The following STK3 variants were observed in gnomAD, a reference collection of about 807,000 sequenced individuals.
The protein encoded by STK3 is serine/threonine-protein kinase 3.
STK3 carries 41 observed loss-of-function variants against 58.0 expected under a neutral mutation model. That is an observed-to-expected ratio of 0.71 (90% CI 0.55 to 0.92). The LOEUF (loss-of-function observed/expected upper bound fraction) is 0.92. STK3 is among the 40% of genes least tolerant of loss of function. The pLI is 0.00. For missense variants in STK3, 479 were observed against 602.7 expected, an observed-to-expected ratio of 0.79 and a Z score of 2.15; for synonymous variants, 170 against 191.0, an observed-to-expected ratio of 0.89 and a Z score of 0.91.
intron 1 of STK3, among the ~76,000 whole-genome samples, chr8:98,783,359 T>C (rs1307745643): frequency 6.6e-6 from 1 of 152,220 alleles, no homozygotes; most frequent in Non-Finnish European, 1.5e-5. Flanking sequence ...TTGTTATGCA[T>C]TATATGCCTG....
intron 1 of STK3, among the ~76,000 whole-genome samples, chr8:98,819,151 C>T (rs1834735997): frequency 6.6e-6 from 1 of 152,130 alleles, no homozygotes; most frequent in Admixed American, 6.5e-5. Flanking sequence ...CAGGGTCTTG[C>T]TCTGTTGCCC....
At chr8:98,917,004 ACTT>A (rs1031463576) in intron 1 of STK3, among the ~76,000 whole-genome samples, 16 of 152,308 alleles carry the variant, frequency 1.1e-4, no homozygotes, top group African/African-American at 3.6e-4. Flanking sequence ...GAGCATCTGC[ACTT>A]CTTCATGCAG....
intron 7 of STK3, among the ~76,000 whole-genome samples, chr8:98,582,721 T>C (rs1328713033): frequency 6.6e-6 from 1 of 152,168 alleles, no homozygotes; most frequent in Non-Finnish European, 1.5e-5. Context: ...TTCATTATTC[T>C]ATCTCATACT....
At chr8:98,507,407 T>C (rs908348218) in intron 10 of STK3, among the ~76,000 whole-genome samples, 1 of 152,242 alleles carries the variant, frequency 6.6e-6, no homozygotes, top group Non-Finnish European at 1.5e-5. Flanking sequence ...TATACAATTT[T>C]GTTGCCTATA....
At chr8:98,389,473 C>T (rs543999815), upstream of STK3, among the ~76,000 whole-genome samples, 2 of 152,242 alleles carry the variant, frequency 1.3e-5, no homozygotes, top group East Asian at 1.9e-4. Context: ...TTAACAGTCA[C>T]GAAAACACAA....
chr8:98,496,794 G>A (rs540078824), intron 10 of STK3, among the ~76,000 whole-genome samples: 1 of 152,204 alleles, frequency 6.6e-6, no homozygotes, highest in South Asian at 2.1e-4. Context: ...AAAGTATAAT[G>A]GTGGTTGCCA....
chr8:98,510,498 G>T (rs1824430991), intron 10 of STK3, among the ~76,000 whole-genome samples: 1 of 151,632 alleles, frequency 6.6e-6, no homozygotes, highest in Non-Finnish European at 1.5e-5. Context: ...GACTAATTAT[G>T]ATTTATTCAC....
intron 1 of STK3, among the ~76,000 whole-genome samples, chr8:98,799,351 C>T (rs1222727929): frequency 6.6e-6 from 1 of 150,768 alleles, no homozygotes; most frequent in African/African-American, 2.4e-5. Context: ...GAAAGACAAG[C>T]AGAAAGGAAA....
chr8:98,776,874 C>G (rs1248374107), intron 1 of STK3, among the ~76,000 whole-genome samples: 1 of 151,434 alleles, frequency 6.6e-6, no homozygotes, highest in Non-Finnish European at 1.5e-5. Context: ...CACGGTGAAA[C>G]CCCGTCTCTA....
chr8:98,400,574 A>G (rs534991306), downstream of STK3, among the ~76,000 whole-genome samples: 9 of 152,250 alleles, frequency 5.9e-5, no homozygotes, highest in African/African-American at 2.2e-4. Flanking sequence ...CTCCTGTTCC[A>G]TTTCCAGCAC....
chr8:98,639,727 C>CT (rs1339030986), intron 6 of STK3, among the ~76,000 whole-genome samples: 1 of 152,142 alleles, frequency 6.6e-6, no homozygotes, highest in African/African-American at 2.4e-5. Context: ...CCTTTCATAT[C>CT]TTTTTAAGTG....
At chr8:98,362,141 G>T in the STK3 span, among the ~76,000 whole-genome samples, 4 of 152,308 alleles carry the variant, frequency 2.6e-5, no homozygotes, top group Admixed American at 6.5e-5. Flanking sequence ...CTAGAAGAGA[G>T]CAAAGGAGGG....
chr8:98,864,215 A>C (rs1036516237), intron 3 of STK3, among the ~76,000 whole-genome samples: 3 of 151,042 alleles, frequency 2.0e-5, no homozygotes, highest in Non-Finnish European at 4.4e-5. Flanking sequence ...AAAAAAAAAA[A>C]AAAAAAAAAG....
At chr8:98,586,998 A>G (rs1340505037) in intron 7 of STK3, among the ~76,000 whole-genome samples, 1 of 150,364 alleles carries the variant, frequency 6.7e-6, no homozygotes, top group Non-Finnish European at 1.5e-5. Context: ...TTTTTTCTTT[A>G]TTAGTCTTGC....
chr8:98,667,203 C>T (rs1029849937), intron 6 of STK3, among the ~76,000 whole-genome samples: 1 of 152,060 alleles, frequency 6.6e-6, no homozygotes, highest in African/African-American at 2.4e-5. Context: ...TCTTTTACTC[C>T]AACATGAGTT....
chr8:98,738,293 C>T (rs910427615), intron 4 of STK3, among the ~76,000 whole-genome samples: 7 of 151,808 alleles, frequency 4.6e-5, no homozygotes, highest in African/African-American at 1.2e-4. Context: ...GCCAACGTGG[C>T]GAAACCCTAT....
At chr8:98,537,694 A>C (rs1289863859) in intron 9 of STK3, among the ~76,000 whole-genome samples, 1 of 152,180 alleles carries the variant, frequency 6.6e-6, no homozygotes, top group East Asian at 1.9e-4. Context: ...TTTAACAATA[A>C]TTTTAACGTT....
the STK3 span, among the ~76,000 whole-genome samples, chr8:98,364,376 C>T: frequency 1.3e-5 from 2 of 152,256 alleles, no homozygotes; most frequent in African/African-American, 4.8e-5. Flanking sequence ...TGCCAACTCC[C>T]TCTGGGCCTA....
chr8:98,386,952 T>A (rs1817797773), intron 1 of STK3, among the ~76,000 whole-genome samples: 1 of 152,190 alleles, frequency 6.6e-6, no homozygotes, highest in Non-Finnish European at 1.5e-5. Context: ...GGCGAGACCC[T>A]GTCTCAAAAA....
Sources: allele counts gnomAD v4.1 joint callset (sites outside exome capture counted in the v4.1 genomes callset), GRCh38; gene constraint gnomAD v4.1.1; transcripts MANE v1.5; gene names NCBI Gene and HGNC (gene_info 2026-07-23, HGNC 2026-07-21).